SIL1: variants seen among roughly 807,000 people sequenced by gnomAD.
SIL1 encodes nucleotide exchange factor SIL1.
SIL1 carries 40 observed loss-of-function variants against 49.1 expected under a neutral mutation model. The observed-to-expected ratio is 0.81, with a 90% CI of 0.63 to 1.06. SIL1 has a LOEUF of 1.06. Ranked by LOEUF, SIL1 falls within the 50% of genes least tolerant of loss-of-function variation. The probability of loss-of-function intolerance (pLI) is 0.00; values close to 1 mark genes in which losing one functional copy is unlikely to be tolerated. For synonymous variants in SIL1, 253 were observed against 250.8 expected (o/e 1.01, Z -0.08); for missense variants, 500 against 572.6 (o/e 0.87, Z 1.29).
At chr5:138,983,726 G>T (rs190358633) in intron 7 of SIL1, among the ~76,000 whole-genome samples, 1 of 151,954 alleles carries the variant, frequency 6.6e-6, no homozygotes, top group Non-Finnish European at 1.5e-5. Flanking sequence ...CAAGAGTGAC[G>T]TCTGGCAGAA....
At chr5:139,113,172 G>A (rs542219801) in intron 3 of SIL1, among the ~76,000 whole-genome samples, 25 of 152,016 alleles carry the variant, frequency 1.6e-4, no homozygotes, top group African/African-American at 5.5e-4. Context: ...AAGGCCGCAG[G>A]GTCCTCTGCC....
At chr5:139,143,336 C>CATATATATATATATAT in intron 1 of SIL1, among the ~76,000 whole-genome samples, 3 of 80,478 alleles carry the variant, frequency 3.7e-5, no homozygotes, top group African/African-American at 1.9e-4. Context: ...CACACACACA[C>CATATATATATATATAT]ACACACACAT....
At chr5:138,952,840 C>T (rs1455595337) in intron 7 of SIL1, among the ~76,000 whole-genome samples, 1 of 152,252 alleles carries the variant, frequency 6.6e-6, no homozygotes, top group Non-Finnish European at 1.5e-5. Context: ...GGGACAAGGC[C>T]GGGATCCCTC....
intron 5 of SIL1, among the ~76,000 whole-genome samples, chr5:139,027,323 CT>C (rs1768680266): frequency 6.6e-6 from 1 of 152,172 alleles, no homozygotes; most frequent in South Asian, 2.1e-4. Context: ...CATCTTCAAC[CT>C]CAAACCACAT....
intron 7 of SIL1, among the ~76,000 whole-genome samples, chr5:139,006,815 C>G (rs1370314088): frequency 6.8e-6 from 1 of 147,714 alleles, no homozygotes; most frequent in Non-Finnish European, 1.5e-5. Flanking sequence ...TTCCATTGAT[C>G]TATATCTCTG....
chr5:139,007,773 G>A (rs1374153388), intron 7 of SIL1, among the ~76,000 whole-genome samples: 1 of 144,326 alleles, frequency 6.9e-6, no homozygotes, highest in Non-Finnish European at 1.5e-5. Context: ...TTATTGGTTT[G>A]CGTATATTGA....
chr5:139,109,351 G>A (rs902249284), intron 3 of SIL1, among the ~76,000 whole-genome samples: 6 of 152,160 alleles, frequency 3.9e-5, no homozygotes, highest in Non-Finnish European at 8.8e-5. Context: ...ACTCTGCTGT[G>A]TTTAGGGACA....
intron 1 of SIL1, among the ~76,000 whole-genome samples, chr5:139,143,448 G>A (rs1751133424): frequency 6.6e-6 from 1 of 151,246 alleles, no homozygotes; most frequent in Non-Finnish European, 1.5e-5. Context: ...TAGGCTCACT[G>A]CAACCTCTGC....
intron 7 of SIL1, among the ~76,000 whole-genome samples, chr5:139,018,545 G>A (rs911464340): frequency 3.4e-5 from 5 of 148,634 alleles, no homozygotes; most frequent in Non-Finnish European, 5.9e-5. Context: ...AGCCAAGATC[G>A]GGCCACTGTA....
chr5:139,185,543 C>T (rs932067921), intron 1 of SIL1, among the ~76,000 whole-genome samples: 4 of 152,132 alleles, frequency 2.6e-5, no homozygotes, highest in Non-Finnish European at 5.9e-5. Flanking sequence ...TCACAGTTTC[C>T]AAGAACTTAT....
At chr5:139,187,623 A>G (rs1005856210) in intron 1 of SIL1, 11 of 151,906 alleles carry the variant, frequency 7.2e-5, no homozygotes, top group African/African-American at 2.2e-4. Context: ...GGATCAGTTC[A>G]TCAGGAGCAA....
intron 3 of SIL1, among the ~76,000 whole-genome samples, chr5:139,105,692 C>T (rs369486658): frequency 2.6e-5 from 4 of 152,226 alleles, no homozygotes; most frequent in East Asian, 1.9e-4. Flanking sequence ...CTGTGAGCCG[C>T]GACACTGGCA....
chr5:139,098,809 CTTTTTTTTT>C lies in SIL1; in HGVS notation c.244+22217_244+22225del, dbSNP rs59863544. Among the ~76,000 whole-genome samples the C allele has an allele frequency of 2.1e-4, 19 of 89,046 alleles. 1 individual carries two copies. Among genetic ancestry groups the C allele is most frequent in the African/African-American group, 5.7e-4 (14 of 24,436 alleles). The allele number at this position is 89,046 out of a possible 152,430, so 58.4% of individuals were successfully genotyped here. A position where few individuals can be genotyped will look rare whatever the true frequency, so the allele number is the denominator to read the frequency against. On this transcript the variant is annotated intron_variant, in intron 3 of 9. Transcript: ENST00000394817. ...AAGATTTGAATAGACTTTTCTTACT[CTTTTTTTTT>C]TTTTTTTTTTTTTTTTGAGAGGGAG...
At chr5:139,095,756 AG>A (rs1279946011) in intron 3 of SIL1, among the ~76,000 whole-genome samples, 1 of 152,146 alleles carries the variant, frequency 6.6e-6, no homozygotes, top group African/African-American at 2.4e-5. Context: ...GGAGCCAGGG[AG>A]GTCAAGGCTG....
intron 1 of SIL1, among the ~76,000 whole-genome samples, chr5:139,188,706 A>G (rs151327245): frequency 6.6e-6 from 1 of 152,372 alleles, no homozygotes; most frequent in East Asian, 1.9e-4. Context: ...ACAAAAGTCA[A>G]CATTCCCTTG....
chr5:139,042,623 G>A lies in SIL1; in HGVS notation c.450C>T (p.Asp150=). Residue 150 remains aspartate (D), a synonymous_variant, in exon 5 of 10, where the codon GAC becomes GAT. Transcript: ENST00000394817. Reference sequence around the variant, plus strand: ...CACAGGAAAAATAATCACACACCTTGTCTTCCTTTGAACTCTCCATCTCTG... The same window carrying A: ...CACAGGAAAAATAATCACACACCTTATCTTCCTTTGAACTCTCCATCTCTG... ...EGAEMESSKE[D]KARQAEVKRL... 1 of 1,613,724 alleles carries A rather than the reference G, an allele frequency of 6.2e-7. No individual in the cohort carries two copies. Among genetic ancestry groups the A allele is most frequent in the African/African-American group, 1.3e-5 (1 of 75,014 alleles).
intron 7 of SIL1, among the ~76,000 whole-genome samples, chr5:138,966,541 C>T (rs1767147041): frequency 6.6e-6 from 1 of 152,036 alleles, no homozygotes; most frequent in Non-Finnish European, 1.5e-5. Flanking sequence ...GTGACTGAGC[C>T]CTGTCCTGAT....
intron 3 of SIL1, among the ~76,000 whole-genome samples, chr5:139,066,751 G>A (rs944604260): frequency 6.6e-6 from 1 of 151,832 alleles, no homozygotes; most frequent in African/African-American, 2.4e-5. Flanking sequence ...TGTTGCCCAC[G>A]CTGGGGTGCA....
intron 4 of SIL1, among the ~76,000 whole-genome samples, chr5:139,045,697 T>C (rs1327322565): frequency 6.6e-6 from 1 of 152,194 alleles, no homozygotes; most frequent in Admixed American, 6.5e-5. Context: ...TCTTGATTCT[T>C]CTCCTTATAA....
Sources: allele counts gnomAD v4.1 joint callset (sites outside exome capture counted in the v4.1 genomes callset), GRCh38; gene constraint gnomAD v4.1.1; transcripts MANE v1.5; gene names NCBI Gene and HGNC (gene_info 2026-07-23, HGNC 2026-07-21).